The following CCDC146 variants were observed in gnomAD, a reference collection of about 807,000 sequenced individuals.
The protein encoded by CCDC146 is coiled-coil domain containing 146, also known as coiled-coil domain-containing protein 146.
Under a neutral mutation model 119.3 loss-of-function variants are expected in CCDC146, and 92 were observed. The ratio of observed to expected loss-of-function variants is 0.77; its 90% CI spans 0.65 to 0.92. The LOEUF (loss-of-function observed/expected upper bound fraction) is 0.92. Ranked by LOEUF, CCDC146 falls within the 40% of genes least tolerant of loss-of-function variation. The pLI is 0.00. For synonymous variants in CCDC146, 372 were observed against 371.8 expected, an observed-to-expected ratio of 1.00 and a Z score of -0.01; for missense variants, 1,000 against 1,103.0, an observed-to-expected ratio of 0.91 and a Z score of 1.32.
At position 77,251,374 on chromosome 7, in the gene CCDC146, C is replaced by T. The variant is rs186444374; in HGVS notation, c.450-3132C>T. 2.0e-5 allele frequency among the ~76,000 whole-genome samples: 3 copies of T among 152,174 alleles called. No homozygotes were observed. The East Asian group carries it at 5.8e-4, about 29-fold the overall frequency. Reference sequence around the variant, plus strand: ...AATTTCCTTCTCTCTACTTAAACTGCCCATTTCGGGATTGAGTTTATCTGT... The same window carrying T: ...AATTTCCTTCTCTCTACTTAAACTGTCCATTTCGGGATTGAGTTTATCTGT... On this transcript the variant is annotated intron_variant, in intron 4 of 18. Coordinates refer to ENST00000285871, the MANE Select transcript of CCDC146 (RefSeq NM_020879.3).
At chr7:77,134,410 A>G (rs963934796) in intron 1 of CCDC146, among the ~76,000 whole-genome samples, 2 of 152,254 alleles carry the variant, frequency 1.3e-5, no homozygotes, top group Non-Finnish European at 2.9e-5. Flanking sequence ...AGCAAGGGCA[A>G]TCAATAAAAA....
At chr7:77,140,344 G>A (rs1302138199) in intron 1 of CCDC146, among the ~76,000 whole-genome samples, 2 of 152,086 alleles carry the variant, frequency 1.3e-5, no homozygotes, top group Non-Finnish European at 2.9e-5. Flanking sequence ...TATAACGAAA[G>A]TACTATAGAC....
intron 17 of CCDC146, among the ~76,000 whole-genome samples, chr7:77,288,398 C>T (rs1483968419): frequency 6.6e-6 from 1 of 152,222 alleles, no homozygotes; most frequent in Non-Finnish European, 1.5e-5. Flanking sequence ...TCTTGCCAGG[C>T]TTCCTGTGGC....
At chr7:77,206,867 T>C (rs1289405559) in intron 2 of CCDC146, among the ~76,000 whole-genome samples, 1 of 151,978 alleles carries the variant, frequency 6.6e-6, no homozygotes, top group East Asian at 1.9e-4. Flanking sequence ...ATAATAATAG[T>C]GTTGCTTAAA....
chr7:77,248,947 A>G (rs1793005973), intron 4 of CCDC146, among the ~76,000 whole-genome samples: 2 of 152,184 alleles, frequency 1.3e-5, no homozygotes, highest in Non-Finnish European at 2.9e-5. Flanking sequence ...GTTAATCTCA[A>G]TTTACAATGA....
At chr7:77,177,077 C>G (rs1462914649) in intron 2 of CCDC146, among the ~76,000 whole-genome samples, 2 of 152,042 alleles carry the variant, frequency 1.3e-5, no homozygotes, top group African/African-American at 2.4e-5. Flanking sequence ...CTCAAGTGAT[C>G]TACCCACCTC....
At chr7:77,162,066 T>C (rs540065965) in intron 1 of CCDC146, among the ~76,000 whole-genome samples, 13 of 152,328 alleles carry the variant, frequency 8.5e-5, no homozygotes, top group African/African-American at 2.6e-4. Flanking sequence ...GTCACATATA[T>C]AGTTTGCAAA....
chr7:77,159,501 A>G (rs1371434433), intron 1 of CCDC146, among the ~76,000 whole-genome samples: 8 of 152,138 alleles, frequency 5.3e-5, no homozygotes, highest in Admixed American at 5.2e-4. Flanking sequence ...TCCATTGTAT[A>G]CATATATCGC....
chr7:77,145,165 G>A (rs919116321), intron 1 of CCDC146, among the ~76,000 whole-genome samples: 8 of 151,760 alleles, frequency 5.3e-5, no homozygotes, highest in African/African-American at 1.9e-4. Flanking sequence ...ATGTGTCCAG[G>A]AATTTATCCA....
In CCDC146 at chr7:77,130,898, T is replaced by C. The variant is rs1016231376; in HGVS notation, c.-12+8166T>C. ...AGGCGTGAGCCACCGCGCCCGGCCC[T>C]TTTTTTTTTTTTAAACGGAGTCTCA... On this transcript the variant is annotated intron_variant, in intron 1 of 18. Transcript: ENST00000285871. Among the ~76,000 whole-genome samples, 45 of 139,006 alleles carry C rather than the reference T, an allele frequency of 3.2e-4. 1 individual carries two copies. The highest frequency in any genetic ancestry group is 1.0e-3 in the African/African-American group (39 of 38,026). 91.2% of individuals were successfully genotyped at this position (139,006 alleles called of 152,430 possible).
chr7:77,219,950 C>A (rs115603082), intron 2 of CCDC146, among the ~76,000 whole-genome samples: 7 of 151,978 alleles, frequency 4.6e-5, no homozygotes, highest in African/African-American at 1.7e-4. Context: ...AAGTCCAGGG[C>A]GAAACTAGAA....
At chr7:77,181,549 C>T (rs767293453) in intron 2 of CCDC146, among the ~76,000 whole-genome samples, 6 of 152,182 alleles carry the variant, frequency 3.9e-5, no homozygotes, top group Non-Finnish European at 8.8e-5. Context: ...AGCCTTAGTA[C>T]ATGTACGGTC....
intron 2 of CCDC146, among the ~76,000 whole-genome samples, chr7:77,170,790 A>G (rs956119085): frequency 5.9e-5 from 9 of 152,246 alleles, no homozygotes; most frequent in Non-Finnish European, 1.2e-4. Flanking sequence ...GAAGACATAC[A>G]TGTGGCCAAC....
intron 2 of CCDC146, among the ~76,000 whole-genome samples, chr7:77,224,317 A>T (rs1236306628): frequency 6.6e-6 from 1 of 152,106 alleles, no homozygotes; most frequent in Non-Finnish European, 1.5e-5. Context: ...TTGACTCATG[A>T]CCGCCTTCCT....
intron 3 of CCDC146, 72 bp from the exon 4 acceptor site, chr7:77,241,619 C>T (rs1792850154): frequency 1.2e-5 from 16 of 1,314,146 alleles, no homozygotes; most frequent in Non-Finnish European, 1.6e-5. Context: ...GCTATCCTCA[C>T]TAGACCCCCA....
At chr7:77,279,780 G>T (rs569349057) in intron 13 of CCDC146, among the ~76,000 whole-genome samples, 16 of 152,266 alleles carry the variant, frequency 1.1e-4, no homozygotes, top group African/African-American at 3.9e-4. Context: ...TCTGGCAAAT[G>T]GTTGTTTTCT....
intron 13 of CCDC146, among the ~76,000 whole-genome samples, chr7:77,280,223 T>C (rs1793738417): frequency 6.6e-6 from 1 of 152,144 alleles, no homozygotes; most frequent in Admixed American, 6.5e-5. Context: ...TGTTCTAATC[T>C]GGAGCAGAGA....
chr7:77,279,945 G>A (rs942919066), intron 13 of CCDC146, among the ~76,000 whole-genome samples: 6 of 152,070 alleles, frequency 3.9e-5, no homozygotes, highest in South Asian at 2.1e-4. Flanking sequence ...TTCAGGGGTC[G>A]GGGGTGGATG....
At chr7:77,265,219 G>A (rs1198355352) in intron 9 of CCDC146, among the ~76,000 whole-genome samples, 1 of 152,198 alleles carries the variant, frequency 6.6e-6, no homozygotes, top group Non-Finnish European at 1.5e-5. Flanking sequence ...TCAAAGTACT[G>A]ACGGAAACCT....
Sources: allele counts gnomAD v4.1 joint callset (sites outside exome capture counted in the v4.1 genomes callset), GRCh38; gene constraint gnomAD v4.1.1; transcripts MANE v1.5; gene names NCBI Gene and HGNC (gene_info 2026-07-23, HGNC 2026-07-21).